The following DUSP29 variants were observed in gnomAD, a reference collection of about 807,000 sequenced individuals.
DUSP29 encodes the protein atypical dual-specific protein phosphatase.
DUSP29 carries 12 observed loss-of-function variants against 13.5 expected under a neutral mutation model. That is an observed-to-expected ratio of 0.89 (90% confidence interval 0.57 to 1.44). The LOEUF (loss-of-function observed/expected upper bound fraction) is 1.44. Ranked by LOEUF, DUSP29 falls within the 40% of genes most tolerant of loss-of-function variation. The pLI is 0.00. For synonymous variants in DUSP29, 134 were observed against 128.7 expected (o/e 1.04, Z -0.28); for missense variants, 308 against 301.1 (o/e 1.02, Z -0.17).
At position 75,043,948 on chromosome 10, in the gene DUSP29, G is replaced by A; in HGVS notation, c.270C>T (p.Gly90=). 2 of 1,613,552 alleles carry A rather than the reference G, an allele frequency of 1.2e-6. No individual in the cohort carries two copies. The highest frequency in any genetic ancestry group is 1.7e-6 in the Non-Finnish European group (2 of 1,179,930). ...GFTHVLNAAH[G]RWNVDTGPDY... ...CGGGCCCAGTGTCCACGTTCCAGCG[G>A]CCGTGGGCCGCGTTCAGCACGTGCG... Residue 90 remains glycine (G), a synonymous_variant, in exon 3 of 4, where the codon GGC becomes GGT. Coordinates refer to ENST00000338487, the MANE Select transcript of DUSP29 (RefSeq NM_001003892.3).
At position 75,059,607 on chromosome 10, in the gene DUSP29, G is replaced by C. The variant is rs952611353; in HGVS notation, c.-34-1059C>G. On this transcript the variant is annotated intron_variant, in intron 1 of 3. Coordinates refer to ENST00000338487, the MANE Select transcript of DUSP29 (RefSeq NM_001003892.3). ...TTAGCCCCATTTTACAGATAAGGAGGATCATGAATTGAGGCTGTCTGTAGC... is the reference window on the plus strand; with the variant it reads ...TTAGCCCCATTTTACAGATAAGGAGCATCATGAATTGAGGCTGTCTGTAGC... Among the ~76,000 whole-genome samples, 8 of 152,200 alleles carry C rather than the reference G, an allele frequency of 5.3e-5. 1 individual carries two copies. The East Asian group carries it at 1.5e-3, about 29-fold the overall frequency.
chr10:75,043,962 T>G lies in DUSP29; in HGVS notation c.256A>C (p.Asn86His). Residue 86 changes from asparagine (N) to histidine (H), a missense_variant, in exon 3 of 4, where the codon AAC becomes CAC. Transcript: ENST00000338487. The stretch of plus-strand genomic sequence containing the variant: ...ACGTTCCAGCGGCCGTGGGCCGCGT[T>G]CAGCACGTGCGTGAACCCCGCCTTC... ...LQKAGFTHVL[N>H]AAHGRWNVDT... The G allele has an allele frequency of 6.2e-7, 1 of 1,613,356 alleles. No homozygotes were observed. The highest frequency in any genetic ancestry group is 8.5e-7 in the Non-Finnish European group (1 of 1,179,922).
At chr10:75,058,608 C>A in intron 1 of DUSP29, 60 bp from the exon 2 acceptor site, 1 of 1,393,902 alleles carries the variant, frequency 7.2e-7, no homozygotes, top group South Asian at 1.3e-5. Flanking sequence ...AGGGAATAGG[C>A]TTTACAAAAA....
At chr10:75,069,828 G>T (rs2134309074) in intron 1 of DUSP29, among the ~76,000 whole-genome samples, 1 of 152,010 alleles carries the variant, frequency 6.6e-6, no homozygotes, top group South Asian at 2.1e-4. Flanking sequence ...GATCCCTTGA[G>T]GTGAGGAGTT....
At chr10:75,067,761 G>A (rs1033510392) in intron 1 of DUSP29, among the ~76,000 whole-genome samples, 17 of 152,262 alleles carry the variant, frequency 1.1e-4, no homozygotes, top group Non-Finnish European at 2.4e-4. Context: ...TAGAGGTCAA[G>A]ACTAGCCTGG....
At chr10:75,057,633 C>T (rs757464052) in intron 2 of DUSP29, among the ~76,000 whole-genome samples, 13 of 152,042 alleles carry the variant, frequency 8.6e-5, no homozygotes, top group African/African-American at 2.4e-4. Flanking sequence ...AAAGGATAGT[C>T]GTTATCATTA....
chr10:75,040,987 G>A (rs2134280228), intron 3 of DUSP29, among the ~76,000 whole-genome samples: 1 of 152,352 alleles, frequency 6.6e-6, no homozygotes, highest in South Asian at 2.1e-4. Context: ...CAGGTAGGGG[G>A]AATGGTGTAC....
intron 3 of DUSP29, among the ~76,000 whole-genome samples, chr10:75,038,347 T>G (rs1347889674): frequency 6.6e-6 from 1 of 152,190 alleles, no homozygotes; most frequent in Non-Finnish European, 1.5e-5. Context: ...GTGGCTGGGC[T>G]GCCTTTCCCC....
At chr10:75,053,268 C>T (rs1846886706) in intron 2 of DUSP29, among the ~76,000 whole-genome samples, 1 of 152,192 alleles carries the variant, frequency 6.6e-6, no homozygotes, top group Admixed American at 6.5e-5. Flanking sequence ...GATGAATCTC[C>T]CTGCTTTTCT....
intron 3 of DUSP29, among the ~76,000 whole-genome samples, chr10:75,038,422 G>T (rs1846513816): frequency 6.6e-6 from 1 of 152,096 alleles, no homozygotes; most frequent in Non-Finnish European, 1.5e-5. Flanking sequence ...GGGGGAGGCT[G>T]GTCCCAGGTT....
chr10:75,041,591 G>A (rs1260912821), intron 3 of DUSP29, among the ~76,000 whole-genome samples: 1 of 152,192 alleles, frequency 6.6e-6, no homozygotes, highest in Admixed American at 6.5e-5. Flanking sequence ...CTGCAGGGTA[G>A]GCGTTTGAGC....
chr10:75,068,241 C>T (rs577462463), intron 1 of DUSP29, among the ~76,000 whole-genome samples: 24 of 151,996 alleles, frequency 1.6e-4, no homozygotes, highest in African/African-American at 4.8e-4. Flanking sequence ...GAGGCTGAGG[C>T]GGGAGGATTG....
At chr10:75,048,303 C>T (rs1476831169) in intron 2 of DUSP29, among the ~76,000 whole-genome samples, 1 of 151,170 alleles carries the variant, frequency 6.6e-6, no homozygotes, top group Non-Finnish European at 1.5e-5. Context: ...ACATTGTTTA[C>T]ACATTTGTTG....
intron 2 of DUSP29, among the ~76,000 whole-genome samples, chr10:75,055,042 A>G (rs1273518248): frequency 6.6e-6 from 1 of 152,118 alleles, no homozygotes; most frequent in Non-Finnish European, 1.5e-5. Context: ...GTGTCTTGCT[A>G]TATTGCTCAG....
At chr10:75,051,496 CA>C (rs995578049) in intron 2 of DUSP29, among the ~76,000 whole-genome samples, 2 of 152,200 alleles carry the variant, frequency 1.3e-5, no homozygotes, top group Non-Finnish European at 2.9e-5. Context: ...CCTATCTCCA[CA>C]AAAAGGAGCA....
At chr10:75,069,274 G>C (rs902927465) in intron 1 of DUSP29, among the ~76,000 whole-genome samples, 1 of 152,160 alleles carries the variant, frequency 6.6e-6, no homozygotes, top group East Asian at 1.9e-4. Flanking sequence ...CAAGGGAGCC[G>C]GCCGGGATGG....
chr10:75,040,719 G>T (rs1846563196), intron 3 of DUSP29, among the ~76,000 whole-genome samples: 1 of 152,196 alleles, frequency 6.6e-6, no homozygotes, highest in East Asian at 1.9e-4. Flanking sequence ...CGCTGCCTCT[G>T]ATTAGCTCTG....
intron 1 of DUSP29, among the ~76,000 whole-genome samples, chr10:75,068,857 GAAGT>G (rs948393136): frequency 2.6e-5 from 4 of 152,306 alleles, no homozygotes; most frequent in African/African-American, 9.6e-5. Flanking sequence ...ACTAGGGAAT[GAAGT>G]AAGTGGATTT....
At chr10:75,043,775 G>T in intron 3 of DUSP29, 22 bp downstream of exon 3, 1 of 1,602,014 alleles carries the variant, frequency 6.2e-7, no homozygotes. Flanking sequence ...GGCCGATCGG[G>T]GCGGGGCCGC....
Sources: gnomAD v4.1 joint callset for allele counts (sites outside exome capture counted in the v4.1 genomes callset) on GRCh38, gnomAD v4.1.1 for gene constraint, MANE v1.5 for transcripts, NCBI Gene and HGNC (gene_info 2026-07-23, HGNC 2026-07-21) for gene names.